The following CACNA2D3 variants were observed in gnomAD, a reference collection of about 807,000 sequenced individuals.
CACNA2D3 encodes the protein voltage-dependent calcium channel subunit alpha-2/delta-3.
A neutral mutation model predicts 160.6 loss-of-function variants in CACNA2D3; 60 were observed. The observed-to-expected ratio is 0.37, with a 90% CI of 0.30 to 0.46. CACNA2D3 has a LOEUF of 0.46. Ranked by LOEUF, CACNA2D3 falls within the 20% of genes least tolerant of loss-of-function variation. CACNA2D3 has a pLI of 1.00. For missense variants in CACNA2D3, 1,205 were observed against 1,365.0 expected, an observed-to-expected ratio of 0.88 and a Z score of 1.85; for synonymous variants, 558 against 492.9, an observed-to-expected ratio of 1.13 and a Z score of -1.75.
chr3:55,000,113 C>T (rs1702947955), intron 31 of CACNA2D3, among the ~76,000 whole-genome samples: 1 of 152,168 alleles, frequency 6.6e-6, no homozygotes, highest in Non-Finnish European at 1.5e-5. Flanking sequence ...AGTGCAGCTG[C>T]ACACAGCACC....
chr3:54,420,283 C>G (rs1477995307), intron 4 of CACNA2D3, among the ~76,000 whole-genome samples: 1 of 151,994 alleles, frequency 6.6e-6, no homozygotes, highest in African/African-American at 2.4e-5. Context: ...TGGGGTTTCA[C>G]TATGTTGGCC....
At chr3:54,594,545 A>G (rs913170284) in intron 9 of CACNA2D3, among the ~76,000 whole-genome samples, 1 of 152,060 alleles carries the variant, frequency 6.6e-6, no homozygotes, top group African/African-American at 2.4e-5. Flanking sequence ...TCTCATTTCA[A>G]CTCTTTTGGC....
chr3:54,966,531 A>G (rs1263638436), intron 27 of CACNA2D3, among the ~76,000 whole-genome samples: 1 of 152,126 alleles, frequency 6.6e-6, no homozygotes, highest in Non-Finnish European at 1.5e-5. Flanking sequence ...CTTTTAAAAC[A>G]TACCCAAGCC....
chr3:54,996,898 C>T (rs1056508005), intron 31 of CACNA2D3, among the ~76,000 whole-genome samples: 1 of 152,194 alleles, frequency 6.6e-6, no homozygotes, highest in African/African-American at 2.4e-5. Flanking sequence ...TGGAAACCAT[C>T]ATTCTCAGCA....
intron 2 of CACNA2D3, among the ~76,000 whole-genome samples, chr3:54,241,142 CT>C (rs1158402775): frequency 5.3e-5 from 8 of 152,208 alleles, no homozygotes; most frequent in African/African-American, 9.6e-5. Context: ...AGCCGGCCCT[CT>C]TGGGGTCAGT....
At chr3:54,455,870 A>G (rs930667231) in intron 4 of CACNA2D3, among the ~76,000 whole-genome samples, 4 of 152,236 alleles carry the variant, frequency 2.6e-5, no homozygotes, top group Middle Eastern at 3.4e-3. Context: ...CCTTTGTGGG[A>G]AATCAGCTGG....
At chr3:54,813,290 T>C (rs974083416) in intron 13 of CACNA2D3, among the ~76,000 whole-genome samples, 7 of 152,166 alleles carry the variant, frequency 4.6e-5, no homozygotes, top group Admixed American at 3.3e-4. Context: ...CAGAGCCTGG[T>C]TGGCAATGCC....
intron 34 of CACNA2D3, among the ~76,000 whole-genome samples, chr3:55,014,337 A>G (rs899261972): frequency 6.6e-6 from 1 of 152,106 alleles, no homozygotes; most frequent in South Asian, 2.1e-4. Context: ...CTCATTTTTC[A>G]CTTCTTGTAA....
intron 36 of CACNA2D3, 35 bp from the exon 37 acceptor site, chr3:55,073,742 G>C: frequency 1.9e-6 from 3 of 1,567,374 alleles, no homozygotes; most frequent in Non-Finnish European, 2.6e-6. Context: ...GTAGAAAAAA[G>C]CAATCCTTGG....
chr3:54,419,814 G>A (rs1365506900), intron 4 of CACNA2D3, among the ~76,000 whole-genome samples: 1 of 152,152 alleles, frequency 6.6e-6, no homozygotes, highest in Admixed American at 6.5e-5. Context: ...CACCCAGGCT[G>A]GAGTGCAGTG....
chr3:54,609,612 A>G (rs1440596729), intron 9 of CACNA2D3, among the ~76,000 whole-genome samples: 5 of 152,224 alleles, frequency 3.3e-5, no homozygotes, highest in Admixed American at 3.3e-4. Context: ...CACGTCCGCT[A>G]ATAGGGAACA....
intron 29 of CACNA2D3, among the ~76,000 whole-genome samples, chr3:54,971,822 T>C (rs1702280173): frequency 6.6e-6 from 1 of 152,138 alleles, no homozygotes; most frequent in Admixed American, 6.5e-5. Context: ...CTGACAGTAA[T>C]AAAATGTGTG....
chr3:55,002,314 G>A (rs936104559), intron 31 of CACNA2D3, among the ~76,000 whole-genome samples: 31 of 152,318 alleles, frequency 2.0e-4, no homozygotes, highest in African/African-American at 6.7e-4. Flanking sequence ...TGTTTTAGGT[G>A]TAGAGACAGC....
chr3:54,447,011 C>T (rs1700233253), intron 4 of CACNA2D3, among the ~76,000 whole-genome samples: 2 of 152,090 alleles, frequency 1.3e-5, no homozygotes, highest in African/African-American at 2.4e-5. Context: ...GCATTGACAT[C>T]TTGTTAACTA....
At chr3:54,997,363 A>C (rs1702881428) in intron 31 of CACNA2D3, among the ~76,000 whole-genome samples, 1 of 152,050 alleles carries the variant, frequency 6.6e-6, no homozygotes, top group African/African-American at 2.4e-5. Context: ...CAGACTAATG[A>C]AATATTGCAG....
At position 54,367,436 on chromosome 3, in the gene CACNA2D3, C is replaced by T. The variant is rs142991352; in HGVS notation, c.322-19279C>T. On this transcript the variant is annotated intron_variant, in intron 3 of 37. Transcript: ENST00000474759. ...GTATGGGATGAGAGAAGAAAGCCGG[C>T]ATTTAGAGAAAGGAAAACTGTAGGG... 36 of 159,918 alleles carry T rather than the reference C, an allele frequency of 2.3e-4. No homozygotes were observed. The East Asian group carries it at 2.8e-3, about 13-fold the overall frequency. 9.9% of individuals were successfully genotyped at this position (159,918 alleles called of 1,614,324 possible).
chr3:54,564,289 A>G (rs1196540677), intron 6 of CACNA2D3, among the ~76,000 whole-genome samples: 1 of 152,194 alleles, frequency 6.6e-6, no homozygotes, highest in African/African-American at 2.4e-5. Flanking sequence ...GAATCCTCAT[A>G]AAGGGTTTGT....
At chr3:54,294,231 A>G (rs896514923) in intron 2 of CACNA2D3, among the ~76,000 whole-genome samples, 5 of 152,192 alleles carry the variant, frequency 3.3e-5, no homozygotes, top group Non-Finnish European at 7.3e-5. Context: ...GTCATTTTAG[A>G]TACTGTCTTT....
At chr3:54,194,166 G>T (rs1397199144) in intron 2 of CACNA2D3, among the ~76,000 whole-genome samples, 3 of 152,018 alleles carry the variant, frequency 2.0e-5, no homozygotes, top group Non-Finnish European at 4.4e-5. Flanking sequence ...AGGAGAGTAG[G>T]GTGACTATAG....
Sources: gnomAD v4.1 joint callset for allele counts (sites outside exome capture counted in the v4.1 genomes callset) on GRCh38, gnomAD v4.1.1 for gene constraint, MANE v1.5 for transcripts, NCBI Gene and HGNC (gene_info 2026-07-23, HGNC 2026-07-21) for gene names.